The following COX10 variants were observed in gnomAD, a reference collection of about 807,000 sequenced individuals.
The protein encoded by COX10 is protoheme IX farnesyltransferase, mitochondrial.
In COX10, 27 loss-of-function variants were observed where a neutral mutation model predicts 37.3. The observed-to-expected ratio is 0.72, with a 90% CI of 0.53 to 1.00. The LOEUF is 1.00. Among genes scored for constraint, COX10 ranks in the 50% least tolerant of loss-of-function variants. COX10 has a pLI of 0.00. For synonymous variants in COX10, 222 were observed against 229.1 expected (o/e 0.97, Z 0.28); for missense variants, 475 against 563.2 (o/e 0.84, Z 1.59).
intron 5 of COX10, among the ~76,000 whole-genome samples, chr17:14,176,364 G>A (rs1905688677): frequency 6.6e-6 from 1 of 152,190 alleles, no homozygotes; most frequent in Admixed American, 6.5e-5. Flanking sequence ...CTCACAGCCA[G>A]CACCAACAGA....
intron 4 of COX10, among the ~76,000 whole-genome samples, chr17:14,125,351 G>T (rs78628284): frequency 0.072 from 10,947 of 152,198 alleles, 491 homozygotes; most frequent in Middle Eastern, 0.11. Flanking sequence ...GTTGTTATTT[G>T]TAATGTTTAC....
At chr17:14,094,582 C>T (rs1597498103) in intron 3 of COX10, among the ~76,000 whole-genome samples, 1 of 152,062 alleles carries the variant, frequency 6.6e-6, no homozygotes, top group South Asian at 2.1e-4. Context: ...TATTTTTAGT[C>T]TACATTTATT....
intron 4 of COX10, among the ~76,000 whole-genome samples, chr17:14,124,840 G>A (rs1192236232): frequency 6.6e-6 from 1 of 152,112 alleles, no homozygotes; most frequent in East Asian, 1.9e-4. Context: ...TCACATGTTG[G>A]ATCTTACTTG....
rs1309312109 is a variant in COX10 at position 14,194,733 on chromosome 17, A to G, written c.928+2512A>G. 1.3e-5 allele frequency among the ~76,000 whole-genome samples: 2 copies of G among 152,152 alleles called. 1 individual carries two copies. The highest frequency in any genetic ancestry group is 2.9e-5 in the Non-Finnish European group (2 of 68,032). On this transcript the variant is annotated intron_variant, in intron 6 of 6. Coordinates refer to ENST00000261643, the MANE Select transcript of COX10 (RefSeq NM_001303.4). ...AGCCACCGCGCCTGGCCTAAAATAA[A>G]TTTTTTAATGTTGATTATAGTCTTT...
intron 4 of COX10, among the ~76,000 whole-genome samples, chr17:14,112,694 C>A (rs1489817607): frequency 6.6e-6 from 1 of 151,984 alleles, no homozygotes; most frequent in Non-Finnish European, 1.5e-5. Context: ...GAAAAGTGAC[C>A]AGAACATCAA....
intron 6 of COX10, among the ~76,000 whole-genome samples, chr17:14,204,769 T>C (rs117713710): frequency 0.011 from 890 of 81,084 alleles, 2 homozygotes; most frequent in Non-Finnish European, 0.02. Context: ...AGCACTCTTA[T>C]ACGTTAAGAT....
intron 4 of COX10, among the ~76,000 whole-genome samples, chr17:14,117,852 A>G (rs1222149350): frequency 6.6e-6 from 1 of 152,110 alleles, no homozygotes; most frequent in Admixed American, 6.6e-5. Flanking sequence ...TACCAGAAAA[A>G]TTGGATCACA....
At chr17:14,080,264 C>G (rs1015446781) in intron 3 of COX10, among the ~76,000 whole-genome samples, 9 of 143,238 alleles carry the variant, frequency 6.3e-5, no homozygotes, top group African/African-American at 2.1e-4. Context: ...TGCTCTGTCA[C>G]CCAGGCTGGA....
intron 4 of COX10, among the ~76,000 whole-genome samples, chr17:14,138,371 A>G (rs1041412781): frequency 1.3e-5 from 2 of 152,202 alleles, no homozygotes; most frequent in African/African-American, 4.8e-5. Context: ...TTGAAACTGT[A>G]TCTGGTACAT....
chr17:14,205,068 C>A (rs1906655974), intron 6 of COX10, among the ~76,000 whole-genome samples: 1 of 152,196 alleles, frequency 6.6e-6, no homozygotes, highest in Non-Finnish European at 1.5e-5. Flanking sequence ...GACTGTGCCA[C>A]TGCACTCCAG....
rs147489056 is a variant in COX10 at position 14,164,462 on chromosome 17, T to C, written c.695+4515T>C. On this transcript the variant is annotated intron_variant, in intron 5 of 6. Transcript: ENST00000261643. Reference sequence around the variant, plus strand: ...TATAAAATGTTCTATCATGTTTTTGTATGTTTCTCAAATTCCCTTTTAAAA... The same window carrying C: ...TATAAAATGTTCTATCATGTTTTTGCATGTTTCTCAAATTCCCTTTTAAAA... Among the ~76,000 whole-genome samples the C allele has an allele frequency of 2.0e-3, 298 of 152,362 alleles. 1 individual carries two copies. Among genetic ancestry groups the C allele is most frequent in the Middle Eastern group, 0.01 (3 of 294 alleles).
intron 4 of COX10, among the ~76,000 whole-genome samples, chr17:14,104,426 A>G (rs908744228): frequency 1.3e-5 from 2 of 152,162 alleles, no homozygotes; most frequent in African/African-American, 4.8e-5. Flanking sequence ...ACTGGGCAAT[A>G]AGGGTTCAAC....
chr17:14,116,163 G>A (rs543695515), intron 4 of COX10, among the ~76,000 whole-genome samples: 5 of 152,060 alleles, frequency 3.3e-5, no homozygotes, highest in Admixed American at 1.3e-4. Context: ...TCATTTGAAG[G>A]CTTTTAAAAG....
intron 4 of COX10, among the ~76,000 whole-genome samples, chr17:14,120,559 G>A (rs1360311101): frequency 1.3e-5 from 2 of 152,158 alleles, no homozygotes; most frequent in Admixed American, 6.5e-5. Flanking sequence ...ATATAGTGAT[G>A]AAGAGACCAG....
intron 6 of COX10, among the ~76,000 whole-genome samples, chr17:14,200,100 G>C (rs1906502581): frequency 6.6e-6 from 1 of 152,166 alleles, no homozygotes; most frequent in Non-Finnish European, 1.5e-5. Flanking sequence ...TTTGGGGGGT[G>C]GGGGTGGGAA....
At chr17:14,126,223 C>G (rs908406865) in intron 4 of COX10, among the ~76,000 whole-genome samples, 1 of 151,894 alleles carries the variant, frequency 6.6e-6, no homozygotes. Flanking sequence ...TAAAATGTAT[C>G]CAAATGTTTA....
chr17:14,087,036 T>C (rs1489320546), intron 3 of COX10, among the ~76,000 whole-genome samples: 3 of 152,206 alleles, frequency 2.0e-5, no homozygotes, highest in Non-Finnish European at 4.4e-5. Flanking sequence ...ACCTACTTTG[T>C]TTCATGGGGT....
At chr17:14,138,823 C>A (rs1296665549) in intron 4 of COX10, among the ~76,000 whole-genome samples, 2 of 152,126 alleles carry the variant, frequency 1.3e-5, no homozygotes, top group Non-Finnish European at 2.9e-5. Context: ...TGATTGTCTC[C>A]TCATCCCAGC....
intron 4 of COX10, among the ~76,000 whole-genome samples, chr17:14,150,041 G>A (rs1179539400): frequency 6.6e-6 from 1 of 152,098 alleles, no homozygotes; most frequent in Non-Finnish European, 1.5e-5. Flanking sequence ...AGAGGCTGAG[G>A]CGAGTGGATC....
Sources: gnomAD v4.1 joint callset for allele counts (sites outside exome capture counted in the v4.1 genomes callset) on GRCh38, gnomAD v4.1.1 for gene constraint, MANE v1.5 for transcripts, NCBI Gene and HGNC (gene_info 2026-07-23, HGNC 2026-07-21) for gene names.